Variants in KAZN observed in about 807,000 individuals in gnomAD.
KAZN encodes the protein kazrin.
In KAZN, 40 loss-of-function variants were observed where a neutral mutation model predicts 87.4. The ratio of observed to expected loss-of-function variants is 0.46; its 90% CI spans 0.36 to 0.60. The LOEUF (loss-of-function observed/expected upper bound fraction) is 0.60. Among genes scored for constraint, KAZN ranks in the 20% least tolerant of loss-of-function variants. The pLI is 0.00. For missense variants in KAZN, 898 were observed against 1,073.9 expected (o/e 0.84, Z 2.29); for synonymous variants, 466 against 458.3 (o/e 1.02, Z -0.22).
At chr1:14,273,664 C>T (rs1034298394) in intron 2 of KAZN, among the ~76,000 whole-genome samples, 2 of 152,176 alleles carry the variant, frequency 1.3e-5, no homozygotes, top group Non-Finnish European at 2.9e-5. Context: ...AAAGCAGCCA[C>T]AAAAGAGCCT....
intron 2 of KAZN, among the ~76,000 whole-genome samples, chr1:14,379,374 AGGACTTTGTTT>A (rs1446298637): frequency 6.6e-6 from 1 of 152,072 alleles, no homozygotes; most frequent in East Asian, 1.9e-4. Context: ...AAAAGTAAAC[AGGACTTTGTTT>A]TTCACCTTAG....
chr1:15,103,175 G>A lies in KAZN; in HGVS notation c.1780-184G>A, dbSNP rs562637701. ...CCAGCTGCTCGGGAAGCTGAGGCAG[G>A]AGAATTGCTTGAACCTGGGAGGCGG... On this transcript the variant is annotated intron_variant, in intron 11 of 14. Transcript: ENST00000376030. Among the ~76,000 whole-genome samples, 4 of 152,300 alleles carry A rather than the reference G, an allele frequency of 2.6e-5. No homozygotes were observed. The East Asian group carries it at 7.7e-4, about 29-fold the overall frequency.
chr1:13,970,462 G>T (rs1184533989), intron 1 of KAZN, among the ~76,000 whole-genome samples: 1 of 152,150 alleles, frequency 6.6e-6, no homozygotes, highest in Non-Finnish European at 1.5e-5. Flanking sequence ...TGATCATGCA[G>T]CCTGGCCATG....
intron 13 of KAZN, among the ~76,000 whole-genome samples, chr1:15,106,630 C>G (rs1641305074): frequency 6.6e-6 from 1 of 152,110 alleles, no homozygotes; most frequent in Non-Finnish European, 1.5e-5. Flanking sequence ...CAATGAACCT[C>G]TCAATGATAA....
chr1:14,466,703 T>C (rs1427057117), intron 2 of KAZN, among the ~76,000 whole-genome samples: 2 of 149,554 alleles, frequency 1.3e-5, no homozygotes, highest in African/African-American at 2.4e-5. Flanking sequence ...GCGCGGTGGC[T>C]CACGCCTGTA....
chr1:14,830,569 A>G (rs986471109), intron 1 of KAZN, among the ~76,000 whole-genome samples: 15 of 152,190 alleles, frequency 9.9e-5, no homozygotes, highest in African/African-American at 2.7e-4. Flanking sequence ...CAGGCTGTAC[A>G]AGAGGCACGG....
intron 1 of KAZN, among the ~76,000 whole-genome samples, chr1:14,082,415 C>T (rs3817945): frequency 0.097 from 14,709 of 152,138 alleles, 892 homozygotes; most frequent in East Asian, 0.13. Flanking sequence ...GGAGAGCTGA[C>T]ACCCTTCCTT....
intron 1 of KAZN, among the ~76,000 whole-genome samples, chr1:14,755,070 C>T (rs1051695505): frequency 7.3e-6 from 1 of 137,426 alleles, no homozygotes; most frequent in African/African-American, 2.8e-5. Context: ...GGAGAAACCC[C>T]ATCTCTACTA....
intron 1 of KAZN, among the ~76,000 whole-genome samples, chr1:13,979,441 A>G (rs952123625): frequency 2.0e-5 from 3 of 152,238 alleles, no homozygotes; most frequent in Non-Finnish European, 2.9e-5. Context: ...CCTGCAAAAA[A>G]TACTTCAAAA....
intron 2 of KAZN, among the ~76,000 whole-genome samples, chr1:14,402,206 C>T (rs1052283347): frequency 6.7e-6 from 1 of 149,366 alleles, no homozygotes; most frequent in Non-Finnish European, 1.5e-5. Flanking sequence ...ACAAAACCCA[C>T]ATTTTAAAAA....
At chr1:14,919,753 C>T (rs1456585098) in intron 1 of KAZN, among the ~76,000 whole-genome samples, 3 of 152,100 alleles carry the variant, frequency 2.0e-5, no homozygotes, top group Non-Finnish European at 2.9e-5. Context: ...GATGATGGTC[C>T]CGTAAGATTA....
intron 1 of KAZN, among the ~76,000 whole-genome samples, chr1:14,173,339 T>G (rs528988563): frequency 2.0e-5 from 3 of 152,140 alleles, no homozygotes; most frequent in Non-Finnish European, 2.9e-5. Context: ...AACTGAGAAG[T>G]CTGTGGCTGA....
In KAZN at chr1:13,951,177, G is replaced by C. The variant is rs552892574; in HGVS notation, c.91+57421G>C. On this transcript the variant is annotated intron_variant, in intron 1 of 16. Transcript: ENST00000636203. ...ACACTGTGGGTGTGCCCAGTGCACA[G>C]TGTTGGGGGTCAGCATGTTTGAGTG... is the stretch of plus-strand genomic sequence containing the variant. 4.6e-5 allele frequency among the ~76,000 whole-genome samples: 7 copies of C among 152,342 alleles called. No homozygotes were observed. In the South Asian group the frequency reaches 1.5e-3, roughly 32 times the overall value.
intron 1 of KAZN, among the ~76,000 whole-genome samples, chr1:14,774,847 C>T (rs969288412): frequency 6.6e-6 from 1 of 152,090 alleles, no homozygotes; most frequent in African/African-American, 2.4e-5. Flanking sequence ...CCTCCAAGTC[C>T]GTGGTACATC....
intron 10 of KAZN, among the ~76,000 whole-genome samples, chr1:15,097,244 G>C (rs951160283): frequency 6.6e-6 from 1 of 152,148 alleles, no homozygotes; most frequent in African/African-American, 2.4e-5. Flanking sequence ...ACTTTTCACT[G>C]TGTTGGGTTG....
chr1:14,643,706 A>AGTAGTTC (rs1306898530), intron 1 of KAZN, among the ~76,000 whole-genome samples: 3 of 152,206 alleles, frequency 2.0e-5, no homozygotes, highest in Non-Finnish European at 4.4e-5. Flanking sequence ...TGGGTTGAAC[A>AGTAGTTC]GTAGTTCTAC....
In KAZN at chr1:14,609,397, C is replaced by T. The variant is rs181162051; in HGVS notation, c.226+10174C>T. Among the ~76,000 whole-genome samples, 235 of 152,314 alleles carry T rather than the reference C, an allele frequency of 1.5e-3. 2 individuals are homozygous for T. Among genetic ancestry groups the T allele is most frequent in the African/African-American group, 5.3e-3 (221 of 41,574 alleles). On this transcript the variant is annotated intron_variant, in intron 1 of 14. Coordinates refer to ENST00000376030, the MANE Select transcript of KAZN (RefSeq NM_201628.3). ...GTCCTGTAGAGAAGGATCATGATCTCATGGTCAGCTTCCACAGGCTGGGTC... is the reference window on the plus strand; with the variant it reads ...GTCCTGTAGAGAAGGATCATGATCTTATGGTCAGCTTCCACAGGCTGGGTC...
intron 1 of KAZN, among the ~76,000 whole-genome samples, chr1:14,713,049 T>A (rs566012955): frequency 1.3e-5 from 2 of 152,276 alleles, no homozygotes; most frequent in African/African-American, 4.8e-5. Context: ...AATGCTCCTA[T>A]GTCTGGGTGG....
chr1:14,921,178 A>C (rs1030897268), intron 1 of KAZN, among the ~76,000 whole-genome samples: 2 of 151,622 alleles, frequency 1.3e-5, no homozygotes, highest in Non-Finnish European at 2.9e-5. Flanking sequence ...ACACACACAC[A>C]CACACACACA....
Sources: allele counts gnomAD v4.1 joint callset (sites outside exome capture counted in the v4.1 genomes callset), GRCh38; gene constraint gnomAD v4.1.1; transcripts MANE v1.5; gene names NCBI Gene and HGNC (gene_info 2026-07-23, HGNC 2026-07-21).